RAD54B: variants seen among roughly 807,000 people sequenced by gnomAD.
RAD54B encodes DNA repair and recombination protein RAD54B.
In RAD54B, 78 loss-of-function variants were observed where a neutral mutation model predicts 95.8. The ratio of observed to expected loss-of-function variants is 0.81; its 90% confidence interval spans 0.68 to 0.98. RAD54B has a LOEUF of 0.98. RAD54B is among the 50% of genes least tolerant of loss of function. The pLI, the probability that RAD54B is intolerant of heterozygous loss-of-function variation, is 0.00. For missense variants in RAD54B, 957 were observed against 1,056.6 expected (o/e 0.91, Z 1.31); for synonymous variants, 328 against 354.9 (o/e 0.92, Z 0.85).
chr8:94,398,831 C>T (rs1811202271), intron 8 of RAD54B, among the ~76,000 whole-genome samples: 1 of 152,052 alleles, frequency 6.6e-6, no homozygotes, highest in South Asian at 2.1e-4. Flanking sequence ...CCATCCATTC[C>T]ACCTTTCCAG....
Position 94,398,718 on chromosome 8 carries a change from A to C in RAD54B, c.1378+696T>G, listed in dbSNP as rs375388810. 1.6e-4 allele frequency among the ~76,000 whole-genome samples: 24 copies of C among 152,162 alleles called. No individual in the cohort carries two copies. In the East Asian group the frequency reaches 2.3e-3, roughly 15 times the overall value. On this transcript the variant is annotated intron_variant, in intron 8 of 14. Coordinates refer to ENST00000336148, the MANE Select transcript of RAD54B (RefSeq NM_012415.3). ...CACAACGGCAAAGTGGAAGGGCCAT[A>C]CAAGACCAAGATGAGATATGGGAGA...
intron 2 of RAD54B, among the ~76,000 whole-genome samples, chr8:94,463,211 A>G (rs972104273): frequency 2.0e-5 from 3 of 151,182 alleles, no homozygotes; most frequent in Non-Finnish European, 4.4e-5. Flanking sequence ...TAAATAATAA[A>G]TATTGGTTGG....
rs1162671059 is a variant in RAD54B at position 94,407,449 on chromosome 8, T to C, written c.771A>G (p.Pro257=). 1.9e-6 allele frequency: 3 copies of C among 1,610,880 alleles called. No homozygotes were observed. Among genetic ancestry groups the C allele is most frequent in the South Asian group, 1.1e-5 (1 of 90,762 alleles). The stretch of plus-strand genomic sequence containing the variant: ...TTTTTAAAATCTTACTTGGCGTATA[T>C]GGGTCATGGCGTGGTTTGCAATTTT... ...DFQNCKPRHD[P]YTPNSLVMPR... The change falls in exon 5 of 15, where the codon CCA becomes CCG. Residue 257 remains proline (P), a synonymous_variant. Transcript: ENST00000336148.
At chr8:94,445,699 ATT>A (rs112064602) in intron 3 of RAD54B, among the ~76,000 whole-genome samples, 1 of 146,620 alleles carries the variant, frequency 6.8e-6, no homozygotes, top group African/African-American at 2.5e-5. Context: ...AGGTACATTA[ATT>A]TTTTTTTTTT....
At position 94,407,442 on chromosome 8, in the gene RAD54B, G is replaced by T. The variant is rs531560568; in HGVS notation, c.778C>A (p.Pro260Thr). 1 of 1,598,482 alleles carries T rather than the reference G, an allele frequency of 6.3e-7. No homozygotes were observed. The highest frequency in any genetic ancestry group is 8.6e-7 in the Non-Finnish European group (1 of 1,169,458). The change falls in exon 5 of 15, where the codon CCA (proline) becomes ACA (threonine). Residue 260 changes from proline to threonine, a missense_variant. Physicochemically the swap from Pro to Thr is conservative, Grantham distance 38. Coordinates refer to ENST00000336148, the MANE Select transcript of RAD54B (RefSeq NM_012415.3). ...NCKPRHDPYTPNSLVMPRPDK... is the reference protein window; with the variant it reads ...NCKPRHDPYTTNSLVMPRPDK... The stretch of plus-strand genomic sequence containing the variant: ...CAAATTATTTTTAAAATCTTACTTG[G>T]CGTATATGGGTCATGGCGTGGTTTG...
chr8:94,461,836 A>G (rs1300054912), intron 2 of RAD54B, among the ~76,000 whole-genome samples: 1 of 152,176 alleles, frequency 6.6e-6, no homozygotes, highest in Non-Finnish European at 1.5e-5. Context: ...TTCCATAATC[A>G]CAGTAAAATT....
At chr8:94,398,290 G>C (rs755984069) in intron 8 of RAD54B, among the ~76,000 whole-genome samples, 1 of 151,916 alleles carries the variant, frequency 6.6e-6, no homozygotes, top group South Asian at 2.1e-4. Flanking sequence ...TTTAAAAATC[G>C]CTTTTGATAA....
chr8:94,432,119 TG>T (rs1455182581), intron 3 of RAD54B: 19 of 1,510,920 alleles, frequency 1.3e-5, no homozygotes, highest in Non-Finnish European at 1.5e-5. Context: ...ATTGCAAGAT[TG>T]AAAAAAAAAC....
At chr8:94,408,104 G>C (rs1811439562) in intron 4 of RAD54B, among the ~76,000 whole-genome samples, 1 of 152,104 alleles carries the variant, frequency 6.6e-6, no homozygotes, top group Non-Finnish European at 1.5e-5. Flanking sequence ...GAAACAGCTA[G>C]AAATGTGAAG....
intron 12 of RAD54B, among the ~76,000 whole-genome samples, 169 bp from the exon 13 acceptor site, chr8:94,378,803 T>C (rs560513154): frequency 6.6e-6 from 1 of 152,320 alleles, no homozygotes; most frequent in South Asian, 2.1e-4. Flanking sequence ...AGCTTTTTCT[T>C]GGCAGAAAGA....
intron 3 of RAD54B, among the ~76,000 whole-genome samples, chr8:94,420,251 A>ATTTTT (rs57897762): frequency 2.6e-5 from 3 of 117,006 alleles, no homozygotes; most frequent in Non-Finnish European, 5.2e-5. Flanking sequence ...AGAAAACTTG[A>ATTTTT]TTTTTTTTTT....
At chr8:94,384,661 C>CT (rs1810827345) in intron 11 of RAD54B, among the ~76,000 whole-genome samples, 1 of 152,144 alleles carries the variant, frequency 6.6e-6, no homozygotes, top group Non-Finnish European at 1.5e-5. Flanking sequence ...AATGGTAACT[C>CT]TATGTTATGT....
rs1176503783 is a variant in RAD54B at position 94,387,118 on chromosome 8, C to G, written c.1851G>C (p.Lys617Asn). ...CSSTCDKNEE[K>N]SLYKGLLSVF... ...CACTTAGCAAGCCTTTGTATAGACT[C>G]TTTTCTTCATTTTTATCACAAGTTG... Residue 617 changes from lysine to asparagine, a missense_variant, in exon 11 of 15, where the codon AAG becomes AAC. Transcript: ENST00000336148. The G allele has an allele frequency of 1.1e-5, 17 of 1,603,468 alleles. No homozygotes were observed. The highest frequency in any genetic ancestry group is 1.4e-5 in the Non-Finnish European group (17 of 1,176,400).
intron 3 of RAD54B, among the ~76,000 whole-genome samples, chr8:94,421,135 T>C (rs1385483119): frequency 6.6e-6 from 1 of 152,164 alleles, no homozygotes; most frequent in Non-Finnish European, 1.5e-5. Context: ...TGGCTTCCAG[T>C]AGTCATTCCC....
At chr8:94,443,506 G>A (rs1360422756) in intron 3 of RAD54B, among the ~76,000 whole-genome samples, 2 of 150,984 alleles carry the variant, frequency 1.3e-5, no homozygotes, top group African/African-American at 2.4e-5. Context: ...AATAACCCAA[G>A]GGAATAAAAT....
At chr8:94,382,340 C>T (rs774537524) in intron 11 of RAD54B, among the ~76,000 whole-genome samples, 1 of 152,090 alleles carries the variant, frequency 6.6e-6, no homozygotes, top group Non-Finnish European at 1.5e-5. Context: ...TCGGACTTCT[C>T]AAAAGCAACT....
intron 3 of RAD54B, among the ~76,000 whole-genome samples, chr8:94,456,678 G>A (rs1251018144): frequency 2.0e-5 from 3 of 152,054 alleles, no homozygotes; most frequent in African/African-American, 7.2e-5. Flanking sequence ...TATTTAACTG[G>A]GACATACAGA....
chr8:94,460,556 A>C (rs1271190589), intron 2 of RAD54B, among the ~76,000 whole-genome samples: 1 of 152,140 alleles, frequency 6.6e-6, no homozygotes, highest in Non-Finnish European at 1.5e-5. Context: ...ATTATGTGCT[A>C]TTTTCTCTTT....
chr8:94,462,130 G>A (rs1440421783), intron 2 of RAD54B, among the ~76,000 whole-genome samples: 1 of 152,104 alleles, frequency 6.6e-6, no homozygotes, highest in Non-Finnish European at 1.5e-5. Flanking sequence ...CCTATGATTA[G>A]TTTCAGATTG....
Sources: gnomAD v4.1 joint callset for allele counts (sites outside exome capture counted in the v4.1 genomes callset) on GRCh38, gnomAD v4.1.1 for gene constraint, MANE v1.5 for transcripts, NCBI Gene and HGNC (gene_info 2026-07-23, HGNC 2026-07-21) for gene names.